DNAAF4: variants seen among roughly 807,000 people sequenced by gnomAD.
DNAAF4 encodes the protein dynein axonemal assembly factor 4.
In DNAAF4, 43 loss-of-function variants were observed where a neutral mutation model predicts 51.8. The observed-to-expected ratio is 0.83, with a 90% CI of 0.65 to 1.07. DNAAF4 has a LOEUF of 1.07. Ranked by LOEUF, DNAAF4 falls within the 50% of genes least tolerant of loss-of-function variation. The probability of loss-of-function intolerance (pLI) is 0.00; values close to 1 mark genes in which losing one functional copy is unlikely to be tolerated. For missense variants in DNAAF4, 581 were observed against 493.0 expected (o/e 1.18, Z -1.69); for synonymous variants, 194 against 165.6 (o/e 1.17, Z -1.32).
chr15:55,449,734 T>C (rs1344898985), intron 6 of DNAAF4, among the ~76,000 whole-genome samples: 2 of 137,580 alleles, frequency 1.5e-5, no homozygotes, highest in African/African-American at 2.7e-5. Flanking sequence ...AGTCTCACTC[T>C]GTTGCCCAGG....
At chr15:55,424,314 T>C (rs1427330048) in intron 7 of DNAAF4, among the ~76,000 whole-genome samples, 1 of 152,222 alleles carries the variant, frequency 6.6e-6, no homozygotes, top group Non-Finnish European at 1.5e-5. Flanking sequence ...ATGTAGTCCC[T>C]TAATCTTGAC....
At chr15:55,427,257 G>A (rs890754648), downstream of DNAAF4, among the ~76,000 whole-genome samples, 9 of 152,014 alleles carry the variant, frequency 5.9e-5, no homozygotes, top group African/African-American at 1.4e-4. Context: ...TAGTAGAGAC[G>A]GGGTTTCACC....
intron 6 of DNAAF4, among the ~76,000 whole-genome samples, chr15:55,448,835 A>G (rs1049457263): frequency 4.0e-5 from 6 of 151,420 alleles, no homozygotes; most frequent in Non-Finnish European, 8.8e-5. Flanking sequence ...GCGCCACTGC[A>G]CTCCAGCCTA....
chr15:55,433,918 A>AT lies in DNAAF4; in HGVS notation c.1047+986dup, dbSNP rs2057551816. Among the ~76,000 whole-genome samples the AT allele has an allele frequency of 3.0e-3, 31 of 10,296 alleles. 2 individuals carry two copies. The highest frequency in any genetic ancestry group is 0.011 in the African/African-American group (23 of 2,064). The allele number at this position is 10,296 out of a possible 152,430, so 6.8% of individuals were successfully genotyped here. ...TATTATATATATTATATATAATTAT[A>AT]TATATTATATTATATAAAATATATA... On this transcript the variant is annotated intron_variant, in intron 8 of 9. Coordinates refer to ENST00000321149, the MANE Select transcript of DNAAF4 (RefSeq NM_130810.4).
chr15:55,437,667 A>C (rs1007480440), intron 7 of DNAAF4, among the ~76,000 whole-genome samples: 1 of 152,216 alleles, frequency 6.6e-6, no homozygotes, highest in Non-Finnish European at 1.5e-5. Flanking sequence ...AGGCCTTATA[A>C]AAGGTAGAAG....
intron 1 of DNAAF4, among the ~76,000 whole-genome samples, chr15:55,499,120 T>C (rs888188052): frequency 3.9e-5 from 6 of 152,146 alleles, no homozygotes; most frequent in African/African-American, 1.4e-4. Context: ...TGTTCTGTTT[T>C]GCAAATTTCT....
chr15:55,431,693 T>C (rs2057497924), intron 9 of DNAAF4, among the ~76,000 whole-genome samples: 1 of 152,014 alleles, frequency 6.6e-6, no homozygotes, highest in Non-Finnish European at 1.5e-5. Context: ...TTAGCCCGGA[T>C]GGTCTTGATC....
At chr15:55,466,177 C>G (rs1321545569) in intron 5 of DNAAF4, among the ~76,000 whole-genome samples, 1 of 152,210 alleles carries the variant, frequency 6.6e-6, no homozygotes, top group African/African-American at 2.4e-5. Flanking sequence ...AATCTCAGCA[C>G]TTTGGGAGGC....
chr15:55,480,896 G>A (rs1344998360), intron 4 of DNAAF4, among the ~76,000 whole-genome samples: 1 of 152,140 alleles, frequency 6.6e-6, no homozygotes, highest in African/African-American at 2.4e-5. Context: ...TAATCCCCAC[G>A]TGTCAAGGGT....
In DNAAF4 at chr15:55,487,576, C is replaced by T. The variant is rs528561114; in HGVS notation, c.405+3547G>A. ...TGCTGCTGCTCACTCTTCGGGTCCG[C>T]GCCACCTTTAAGAGCTGTAACAGTC... On this transcript the variant is annotated intron_variant, in intron 4 of 9. Transcript: ENST00000321149. 3.3e-5 allele frequency among the ~76,000 whole-genome samples: 5 copies of T among 152,242 alleles called. No individual in the cohort carries two copies. The East Asian group carries it at 5.8e-4, about 18-fold the overall frequency.
chr15:55,472,743 TAC>T (rs1204082112), intron 4 of DNAAF4, among the ~76,000 whole-genome samples: 3 of 152,230 alleles, frequency 2.0e-5, no homozygotes, highest in Non-Finnish European at 2.9e-5. Context: ...GAATAGTTCC[TAC>T]ACTAAATTTT....
At chr15:55,480,165 TTGC>T (rs2058389248) in intron 4 of DNAAF4, among the ~76,000 whole-genome samples, 1 of 152,070 alleles carries the variant, frequency 6.6e-6, no homozygotes, top group Non-Finnish European at 1.5e-5. Context: ...TAATAAAAAC[TTGC>T]TGGTTTGAGG....
At chr15:55,433,986 A>T (rs1287648738) in intron 8 of DNAAF4, among the ~76,000 whole-genome samples, 3 of 55,032 alleles carry the variant, frequency 5.5e-5, no homozygotes, top group African/African-American at 1.9e-4. Flanking sequence ...TATTATATAT[A>T]ATATATATAA....
intron 7 of DNAAF4, among the ~76,000 whole-genome samples, chr15:55,439,097 G>A (rs919647697): frequency 1.3e-5 from 2 of 152,120 alleles, no homozygotes; most frequent in Admixed American, 6.6e-5. Flanking sequence ...TAGAGAATGT[G>A]ATAACTACTT....
At chr15:55,421,671 A>C (rs939793521) in intron 7 of DNAAF4, among the ~76,000 whole-genome samples, 1 of 151,562 alleles carries the variant, frequency 6.6e-6, no homozygotes, top group African/African-American at 2.4e-5. Context: ...CAGATCACCT[A>C]AGGTCAGGAG....
At chr15:55,443,300 G>A in intron 6 of DNAAF4, 1 of 1,403,320 alleles carries the variant, frequency 7.1e-7, no homozygotes, top group Non-Finnish European at 9.9e-7. Context: ...CTGCCTACCG[G>A]TGGCGGCTGG....
intron 4 of DNAAF4, among the ~76,000 whole-genome samples, chr15:55,477,182 T>A (rs992016902): frequency 4.7e-5 from 7 of 150,168 alleles, no homozygotes; most frequent in African/African-American, 1.7e-4. Context: ...AAAAAAAAAA[T>A]AAAAAAAGAA....
downstream of DNAAF4, among the ~76,000 whole-genome samples, chr15:55,426,769 T>C (rs1265852986): frequency 1.3e-5 from 2 of 152,326 alleles, no homozygotes; most frequent in Non-Finnish European, 2.9e-5. Flanking sequence ...AGAGAGAAGA[T>C]AGCCAAATAC....
rs1555421795 is a variant in DNAAF4, at chr15:55,498,357, G to A, written c.-28C>T. ...CGGTAGCAACGGGAGCGGATAGCGC[G>A]GCTGGTTGCTTCTTGCGCCTGCTTG... On this transcript the variant is annotated 5_prime_UTR_variant, in exon 2 of 10. Coordinates refer to ENST00000321149, the MANE Select transcript of DNAAF4 (RefSeq NM_130810.4). The A allele has an allele frequency of 1.9e-6, 3 of 1,590,364 alleles. No homozygotes were observed. Among genetic ancestry groups the A allele is most frequent in the Non-Finnish European group, 8.6e-7 (1 of 1,164,706 alleles).
Sources: gnomAD v4.1 joint callset for allele counts (sites outside exome capture counted in the v4.1 genomes callset) on GRCh38, gnomAD v4.1.1 for gene constraint, MANE v1.5 for transcripts, NCBI Gene and HGNC (gene_info 2026-07-23, HGNC 2026-07-21) for gene names.